The following PLAAT3 variants were observed in gnomAD, a reference collection of about 807,000 sequenced individuals.
The protein encoded by PLAAT3 is phospholipase A and acyltransferase 3.
Under a neutral mutation model 16.7 loss-of-function variants are expected in PLAAT3, and 21 were observed. The observed-to-expected ratio is 1.26, with a 90% CI of 0.89 to 1.81. The LOEUF (loss-of-function observed/expected upper bound fraction) is 1.81. PLAAT3 is among the 40% of genes most tolerant of loss of function. The pLI, the probability that PLAAT3 is intolerant of heterozygous loss-of-function variation, is 0.00. For synonymous variants in PLAAT3, 76 were observed against 81.7 expected, an observed-to-expected ratio of 0.93 and a Z score of 0.38; for missense variants, 219 against 213.7, an observed-to-expected ratio of 1.02 and a Z score of -0.16.
rs1395948285 is a variant in PLAAT3 at position 63,598,115 on chromosome 11, T to C, written c.64A>G (p.Arg22Gly). The C allele has an allele frequency of 6.2e-7, 1 of 1,614,006 alleles. No individual in the cohort carries two copies. Among genetic ancestry groups the C allele is most frequent in the African/African-American group, 1.3e-5 (1 of 74,930 alleles). Residue 22 changes from arginine (R) to glycine (G), a missense_variant, in exon 3 of 5, where the codon AGA (arginine) becomes GGA (glycine). Physicochemically the swap from Arg to Gly is moderately radical, Grantham distance 125 (BLOSUM62 -2). Coordinates refer to ENST00000415826, the MANE Select transcript of PLAAT3 (RefSeq NM_001128203.2). The stretch of plus-strand genomic sequence containing the variant: ...TCGCCAACATAGATGGCCCAGTGTC[T>C]GTAGAAAGGGCGAAAAATCTCAATC... Reference protein sequence around the residue: ...DLIEIFRPFYRHWAIYVGDGY... With the variant: ...DLIEIFRPFYGHWAIYVGDGY...
chr11:63,575,134 C>T, intron 4 of PLAAT3, 88 bp from the exon 5 acceptor site: 1 of 856,164 alleles, frequency 1.2e-6, no homozygotes, highest in East Asian at 2.5e-5. Context: ...GCTCGGGATA[C>T]CTCACATGCC....
At chr11:63,612,463 T>G (rs925894081) in intron 2 of PLAAT3, among the ~76,000 whole-genome samples, 2 of 152,256 alleles carry the variant, frequency 1.3e-5, no homozygotes, top group Admixed American at 6.5e-5. Context: ...GGTTAAGGCT[T>G]TTCCTTTGTC....
chr11:63,602,820 C>T (rs987157881), intron 2 of PLAAT3, among the ~76,000 whole-genome samples: 1 of 152,188 alleles, frequency 6.6e-6, no homozygotes, highest in Non-Finnish European at 1.5e-5. Context: ...TGGCCAGGCG[C>T]AGCGGCTCAT....
intron 4 of PLAAT3, among the ~76,000 whole-genome samples, chr11:63,576,691 G>C (rs1319885518): frequency 3.3e-5 from 5 of 152,156 alleles, no homozygotes. Flanking sequence ...TACATTAGAG[G>C]CCAGTATATA....
intron 2 of PLAAT3, among the ~76,000 whole-genome samples, chr11:63,612,746 A>G (rs116889208): frequency 0.023 from 3,494 of 151,904 alleles, 70 homozygotes; most frequent in Non-Finnish European, 0.034. Context: ...CTACTAATCC[A>G]TTTTTTTTCC....
chr11:63,586,960 T>A (rs1292133630), intron 4 of PLAAT3, among the ~76,000 whole-genome samples: 1 of 152,216 alleles, frequency 6.6e-6, no homozygotes, highest in Admixed American at 6.5e-5. Context: ...GGCACATGCC[T>A]TTATTCCCAG....
intron 2 of PLAAT3, 38 bp downstream of exon 2, chr11:63,613,962 T>TCCCAGCCCCG (rs778269925): frequency 3.1e-6 from 4 of 1,307,204 alleles, no homozygotes; most frequent in South Asian, 2.4e-5. Flanking sequence ...AACAGGGGGC[T>TCCCAGCCCCG]CCCAGCCCCG....
intron 2 of PLAAT3, among the ~76,000 whole-genome samples, chr11:63,600,198 G>C (rs1466519214): frequency 6.6e-6 from 1 of 152,116 alleles, no homozygotes; most frequent in Non-Finnish European, 1.5e-5. Flanking sequence ...TGCCCAGCTG[G>C]TGTCAAACTC....
chr11:63,596,741 C>T (rs117663229), intron 3 of PLAAT3, among the ~76,000 whole-genome samples: 3 of 151,944 alleles, frequency 2.0e-5, no homozygotes, highest in Non-Finnish European at 2.9e-5. Flanking sequence ...GAATCATGAG[C>T]GAGATTTCCC....
intron 4 of PLAAT3, among the ~76,000 whole-genome samples, chr11:63,581,265 G>A (rs184256353): frequency 6.6e-6 from 1 of 152,198 alleles, no homozygotes; most frequent in African/African-American, 2.4e-5. Flanking sequence ...GGGCAGAATA[G>A]AGCCATATTT....
At chr11:63,613,227 C>A (rs913177673) in intron 2 of PLAAT3, among the ~76,000 whole-genome samples, 2 of 151,972 alleles carry the variant, frequency 1.3e-5, no homozygotes, top group African/African-American at 2.4e-5. Flanking sequence ...CTGGCTAACA[C>A]GGTGAAACCC....
intron 4 of PLAAT3, among the ~76,000 whole-genome samples, chr11:63,582,094 A>G (rs1846423307): frequency 1.3e-5 from 2 of 152,206 alleles, no homozygotes; most frequent in African/African-American, 2.4e-5. Flanking sequence ...AAAATAATGC[A>G]CTTATCAATC....
At chr11:63,605,192 C>A (rs1203581392) in intron 2 of PLAAT3, among the ~76,000 whole-genome samples, 1 of 151,752 alleles carries the variant, frequency 6.6e-6, no homozygotes, top group African/African-American at 2.4e-5. Flanking sequence ...GTCAAGAGTG[C>A]GAGACCAGCC....
At chr11:63,584,495 A>C (rs955017401) in intron 4 of PLAAT3, among the ~76,000 whole-genome samples, 6 of 145,258 alleles carry the variant, frequency 4.1e-5, no homozygotes, top group African/African-American at 1.5e-4. Flanking sequence ...ATTAATCATA[A>C]ACTTTTTTTT....
chr11:63,616,743 G>A (rs1415301157), upstream of PLAAT3: 3 of 152,126 alleles, frequency 2.0e-5, no homozygotes, highest in Admixed American at 2.0e-4. Flanking sequence ...CAGGACTTTG[G>A]GAGGCCGAGG....
At chr11:63,585,714 T>A (rs1376442796) in intron 4 of PLAAT3, among the ~76,000 whole-genome samples, 1 of 152,206 alleles carries the variant, frequency 6.6e-6, no homozygotes, top group Admixed American at 6.5e-5. Flanking sequence ...TTCATGCTGT[T>A]TCACTGTTGT....
intron 2 of PLAAT3, among the ~76,000 whole-genome samples, chr11:63,612,813 A>G (rs961076117): frequency 3.3e-5 from 5 of 152,108 alleles, no homozygotes; most frequent in Non-Finnish European, 7.3e-5. Flanking sequence ...TCATGATTAC[A>G]TATATAAGGT....
chr11:63,576,381 T>C (rs555832308), intron 4 of PLAAT3, among the ~76,000 whole-genome samples: 1 of 152,288 alleles, frequency 6.6e-6, no homozygotes, highest in African/African-American at 2.4e-5. Context: ...CCCAGCACTT[T>C]GGGAGGCCGA....
intron 2 of PLAAT3, among the ~76,000 whole-genome samples, chr11:63,610,223 G>A (rs956579578): frequency 1.6e-4 from 24 of 152,154 alleles, no homozygotes; most frequent in South Asian, 6.2e-4. Flanking sequence ...CCCTTTTGCC[G>A]TTCACCTGGA....
Sources: allele counts gnomAD v4.1 joint callset (sites outside exome capture counted in the v4.1 genomes callset), GRCh38; gene constraint gnomAD v4.1.1; transcripts MANE v1.5; gene names NCBI Gene and HGNC (gene_info 2026-07-23, HGNC 2026-07-21).